Variants in OGN observed in about 807,000 individuals in gnomAD.
OGN encodes the protein osteoglycin.
OGN carries 19 observed loss-of-function variants against 30.8 expected under a neutral mutation model. The ratio of observed to expected loss-of-function variants is 0.62; its 90% CI spans 0.43 to 0.90. OGN has a LOEUF of 0.90. OGN is among the 40% of genes least tolerant of loss of function. The pLI, the probability that OGN is intolerant of heterozygous loss-of-function variation, is 0.00. For missense variants in OGN, 283 were observed against 349.7 expected (o/e 0.81, Z 1.52); for synonymous variants, 126 against 128.3 (o/e 0.98, Z 0.12).
At chr9:92,401,036 G>T in intron 3 of OGN, 56 bp downstream of exon 3, 1 of 822,958 alleles carries the variant, frequency 1.2e-6, no homozygotes, top group Non-Finnish European at 2.1e-6. Flanking sequence ...AAGGAATAAA[G>T]TCCATTATAG....
rs369685990 is a variant in OGN at position 92,392,625 on chromosome 9, G to T, written c.427+461C>A. ...GCAAGACTCCATGTCGGGTTGGGGG[G>T]AGGGGGGAGAAAAAAAAAACACTTC... On this transcript the variant is annotated intron_variant, in intron 4 of 6. Transcript: ENST00000375561. Among the ~76,000 whole-genome samples, 19 of 151,114 alleles carry T rather than the reference G, an allele frequency of 1.3e-4. 1 individual carries two copies. The South Asian group carries it at 4.0e-3, about 32-fold the overall frequency.
At position 92,401,168 on chromosome 9, in the gene OGN, T is replaced by C; in HGVS notation, c.192A>G (p.Ile64Met). 6.7e-7 allele frequency: 1 copy of C among 1,496,266 alleles called. No individual in the cohort carries two copies. The highest frequency in any genetic ancestry group is 9.3e-7 in the Non-Finnish European group (1 of 1,075,904). The allele number at this position is 1,496,266 out of a possible 1,614,324, so 92.7% of individuals were successfully genotyped here. Residue 64 changes from isoleucine (I) to methionine (M), a missense_variant, in exon 3 of 7, where the codon ATA becomes ATG. Coordinates refer to ENST00000375561, the MANE Select transcript of OGN (RefSeq NM_014057.5). ...GKNIKEKETV[I>M]IPNEKSLQLQ... ...ATTGAAGACTTTTCTCATTGGGTAT[T>C]ATCACAGTTTCTTTTTCCTATTGGA...
intron 3 of OGN, among the ~76,000 whole-genome samples, chr9:92,397,468 A>G (rs1046926392): frequency 3.9e-5 from 6 of 152,130 alleles, no homozygotes; most frequent in Non-Finnish European, 7.4e-5. Context: ...CTGGGATTAC[A>G]GACATGTGCC....
At chr9:92,394,396 C>G (rs1842806563) in intron 3 of OGN, among the ~76,000 whole-genome samples, 1 of 148,720 alleles carries the variant, frequency 6.7e-6, no homozygotes, top group South Asian at 2.2e-4. Context: ...GCGTATGCCA[C>G]CACACATGGC....
intron 2 of OGN, among the ~76,000 whole-genome samples, chr9:92,402,194 T>G (rs556598219): frequency 1.3e-5 from 2 of 152,320 alleles, no homozygotes; most frequent in Admixed American, 6.5e-5. Context: ...GACTTTTTTT[T>G]CTTTAACTTG....
At chr9:92,392,619 TGGG>T (rs1177769170) in intron 4 of OGN, among the ~76,000 whole-genome samples, 2 of 148,080 alleles carry the variant, frequency 1.4e-5, no homozygotes, top group Non-Finnish European at 3.0e-5. Flanking sequence ...CATGTCGGGT[TGGG>T]GGGAGGGGGG....
chr9:92,390,421 TTTA>T (rs1371920504), intron 4 of OGN, among the ~76,000 whole-genome samples: 1 of 152,222 alleles, frequency 6.6e-6, no homozygotes, highest in Non-Finnish European at 1.5e-5. Flanking sequence ...TGTAATTTTT[TTTA>T]TTTTTTTGCT....
rs1472381313 is a variant in OGN, at chr9:92,384,229, A to G, written c.*1391T>C. ...GTGTTCTTAGATCTCAGATGCTTTA[A>G]TGAAAAATGTTATCTTGAGGTCAAC... On this transcript the variant is annotated 3_prime_UTR_variant, in exon 7 of 7. Transcript: ENST00000375561. The G allele has an allele frequency of 6.6e-6, 1 of 152,178 alleles. No individual in the cohort carries two copies. Among genetic ancestry groups the G allele is most frequent in the Non-Finnish European group, 1.5e-5 (1 of 68,010 alleles). The allele number at this position is 152,178 out of a possible 1,614,324, so 9.4% of individuals were successfully genotyped here. A position where few individuals can be genotyped will look rare whatever the true frequency, so the allele number is the denominator to read the frequency against.
At chr9:92,388,100 C>G (rs553296799) in intron 5 of OGN, among the ~76,000 whole-genome samples, 25 of 152,192 alleles carry the variant, frequency 1.6e-4, no homozygotes, top group Non-Finnish European at 1.5e-5. Flanking sequence ...TCATAAATCC[C>G]TTCTGTAATT....
chr9:92,385,834 A>C, intron 6 of OGN, 44 bp from the exon 7 acceptor site: 1 of 1,595,904 alleles, frequency 6.3e-7, no homozygotes, highest in Non-Finnish European at 8.6e-7. Context: ...TCTGAAATCA[A>C]CCTTTCATAT....
intron 3 of OGN, among the ~76,000 whole-genome samples, chr9:92,397,099 C>G (rs923498405): frequency 6.6e-6 from 1 of 151,798 alleles, no homozygotes; most frequent in Non-Finnish European, 1.5e-5. Flanking sequence ...ATTGCTGGAG[C>G]CCAGGAGGTC....
intron 4 of OGN, among the ~76,000 whole-genome samples, chr9:92,392,754 G>A (rs1337994222): frequency 6.6e-6 from 1 of 152,194 alleles, no homozygotes; most frequent in Non-Finnish European, 1.5e-5. Flanking sequence ...AAACATTGTG[G>A]TTGGAGAAGC....
chr9:92,401,031 A>G, intron 3 of OGN, 61 bp downstream of exon 3: 1 of 800,250 alleles, frequency 1.2e-6, no homozygotes, highest in Non-Finnish European at 2.1e-6. Context: ...ACCACAAGGA[A>G]TAAAGTCCAT....
rs1180604319 is a variant in OGN at position 92,385,500 on chromosome 9, A to T, written c.*120T>A. ...TTTGAACATCCTTGCTTAAAATATTAAATTCCTTCAAAATGAGATACAAGG... is the reference window on the plus strand; with the variant it reads ...TTTGAACATCCTTGCTTAAAATATTTAATTCCTTCAAAATGAGATACAAGG... On this transcript the variant is annotated 3_prime_UTR_variant, in exon 7 of 7. Transcript: ENST00000375561. 1.1e-5 allele frequency: 9 copies of T among 854,420 alleles called. No homozygotes were observed. Among genetic ancestry groups the T allele is most frequent in the African/African-American group, 3.4e-5 (2 of 58,302 alleles). 52.9% of individuals were successfully genotyped at this position (854,420 alleles called of 1,614,324 possible). A position where few individuals can be genotyped will look rare whatever the true frequency, so the allele number is the denominator to read the frequency against.
rs1490633785 is a variant in OGN at position 92,385,810 on chromosome 9, A to G, written c.727-20T>C. ...GTTGAACTGAAAAAAAACGAGGAAAACATTGTTCAGAAATCTGAAATCAAC... is the reference window on the plus strand; with the variant it reads ...GTTGAACTGAAAAAAAACGAGGAAAGCATTGTTCAGAAATCTGAAATCAAC... On this transcript the variant is annotated intron_variant, in intron 6 of 6. Coordinates refer to ENST00000375561, the MANE Select transcript of OGN (RefSeq NM_014057.5). 6.2e-7 allele frequency: 1 copy of G among 1,613,340 alleles called. No homozygotes were observed.
At chr9:92,387,588 T>A (rs917545381) in intron 5 of OGN, among the ~76,000 whole-genome samples, 5 of 152,080 alleles carry the variant, frequency 3.3e-5, no homozygotes, top group African/African-American at 1.2e-4. Flanking sequence ...TGCTAATTCT[T>A]TTCTGTGTTG....
At position 92,385,581 on chromosome 9, in the gene OGN, T is replaced by C; in HGVS notation, c.*39A>G. 2 of 1,558,590 alleles carry C rather than the reference T, an allele frequency of 1.3e-6. No homozygotes were observed. Among genetic ancestry groups the C allele is most frequent in the South Asian group, 2.2e-5 (2 of 89,064 alleles). ...ACTCATTGTTGAGACAGACTATTAGTGTAGGTGTACTTTCATTTATATGTT... is the reference window on the plus strand; with the variant it reads ...ACTCATTGTTGAGACAGACTATTAGCGTAGGTGTACTTTCATTTATATGTT... On this transcript the variant is annotated 3_prime_UTR_variant, in exon 7 of 7. Coordinates refer to ENST00000375561, the MANE Select transcript of OGN (RefSeq NM_014057.5).
At chr9:92,388,363 T>C (rs1173297967) in intron 5 of OGN, among the ~76,000 whole-genome samples, 3 of 151,940 alleles carry the variant, frequency 2.0e-5, no homozygotes, top group East Asian at 3.9e-4. Context: ...AGTTTCACCA[T>C]GTTGGCCAGG....
At chr9:92,395,380 CAGT>C (rs1842853004) in intron 3 of OGN, among the ~76,000 whole-genome samples, 2 of 152,080 alleles carry the variant, frequency 1.3e-5, no homozygotes, top group African/African-American at 2.4e-5. Flanking sequence ...CTTTATTACT[CAGT>C]AGTATTCAAT....
Sources: gnomAD v4.1 joint callset for allele counts (sites outside exome capture counted in the v4.1 genomes callset) on GRCh38, gnomAD v4.1.1 for gene constraint, MANE v1.5 for transcripts, NCBI Gene and HGNC (gene_info 2026-07-23, HGNC 2026-07-21) for gene names.